ATRNL1: variants seen among roughly 807,000 people sequenced by gnomAD.
ATRNL1 encodes the protein attractin like 1.
In ATRNL1, 95 loss-of-function variants were observed where a neutral mutation model predicts 182.7. The ratio of observed to expected loss-of-function variants is 0.52; its 90% CI spans 0.44 to 0.62. The LOEUF (loss-of-function observed/expected upper bound fraction) is 0.62. Among genes scored for constraint, ATRNL1 ranks in the 20% least tolerant of loss-of-function variants. The pLI, the probability that ATRNL1 is intolerant of heterozygous loss-of-function variation, is 0.00. For synonymous variants in ATRNL1, 576 were observed against 568.3 expected, an observed-to-expected ratio of 1.01 and a Z score of -0.19; for missense variants, 1,471 against 1,679.5, an observed-to-expected ratio of 0.88 and a Z score of 2.17.
intron 21 of ATRNL1, among the ~76,000 whole-genome samples, chr10:115,459,581 A>C (rs1220854496): frequency 1.3e-5 from 2 of 152,032 alleles, no homozygotes; most frequent in Non-Finnish European, 2.9e-5. Context: ...GGTTGATCTC[A>C]CCCTGTCTCC....
At chr10:115,748,735 C>G (rs1170818138) in intron 27 of ATRNL1, among the ~76,000 whole-genome samples, 1 of 151,874 alleles carries the variant, frequency 6.6e-6, no homozygotes, top group Non-Finnish European at 1.5e-5. Flanking sequence ...GCTGTCTACT[C>G]TCATATTTAC....
chr10:115,354,645 A>C lies in ATRNL1; in HGVS notation c.3175+20226A>C, dbSNP rs72838305. Reference sequence around the variant, plus strand: ...TTCATCTTTGACCTTTGATAGTTTGATTATTATATGTCTTGTGGTAGTCTT... The same window carrying C: ...TTCATCTTTGACCTTTGATAGTTTGCTTATTATATGTCTTGTGGTAGTCTT... On this transcript the variant is annotated intron_variant, in intron 19 of 28. Coordinates refer to ENST00000355044, the MANE Select transcript of ATRNL1 (RefSeq NM_207303.4). Among the ~76,000 whole-genome samples, 492 of 151,774 alleles carry C rather than the reference A, an allele frequency of 3.2e-3. 2 individuals carry two copies. The highest frequency in any genetic ancestry group is 5.6e-3 in the Non-Finnish European group (381 of 67,884).
At chr10:115,592,773 A>G (rs1555012718) in intron 26 of ATRNL1, among the ~76,000 whole-genome samples, 1 of 152,072 alleles carries the variant, frequency 6.6e-6, no homozygotes, top group East Asian at 1.9e-4. Flanking sequence ...TGGCACTTTT[A>G]ACAGCAGAGC....
intron 19 of ATRNL1, among the ~76,000 whole-genome samples, chr10:115,368,352 A>G (rs1857185050): frequency 6.6e-6 from 1 of 152,178 alleles, no homozygotes; most frequent in African/African-American, 2.4e-5. Flanking sequence ...TGCGCTTCCC[A>G]AGTGAGGCAA....
chr10:115,182,646 TAAAG>T (rs1211449439), intron 8 of ATRNL1, among the ~76,000 whole-genome samples: 3 of 151,264 alleles, frequency 2.0e-5, no homozygotes, highest in African/African-American at 7.3e-5. Context: ...ACGATGAAAA[TAAAG>T]GAACAGAGAA....
At chr10:115,602,203 A>G (rs1409454153) in intron 26 of ATRNL1, among the ~76,000 whole-genome samples, 1 of 152,104 alleles carries the variant, frequency 6.6e-6, no homozygotes, top group African/African-American at 2.4e-5. Context: ...CAGATGCAAA[A>G]ATTAGCTGGG....
rs71010026 is a variant in ATRNL1, at chr10:115,545,234, C to CAAAA, written c.3717-4204_3717-4201dup. ...TGGGTGACAGAGCGAGACTCCGTATCAAAAAAAAAAAAAAAAAAAAAAAGA... is the reference window on the plus strand; with the variant it reads ...TGGGTGACAGAGCGAGACTCCGTATCAAAAAAAAAAAAAAAAAAAAAAAAAAAGA... On this transcript the variant is annotated intron_variant, in intron 25 of 28. Transcript: ENST00000355044. 9.4e-4 allele frequency among the ~76,000 whole-genome samples: 89 copies of CAAAA among 94,810 alleles called. No individual in the cohort carries two copies. The Middle Eastern group carries it at 0.019, about 21-fold the overall frequency. 62.2% of individuals were successfully genotyped at this position (94,810 alleles called of 152,430 possible).
chr10:115,208,642 T>C (rs187630860), intron 8 of ATRNL1, among the ~76,000 whole-genome samples: 62 of 152,172 alleles, frequency 4.1e-4, no homozygotes, highest in African/African-American at 1.4e-3. Context: ...TTTCTATTGT[T>C]GCTTGGAGCA....
chr10:115,604,007 A>G (rs139712279), intron 26 of ATRNL1, among the ~76,000 whole-genome samples: 70 of 152,108 alleles, frequency 4.6e-4, no homozygotes, highest in African/African-American at 1.6e-3. Context: ...AATGTCTGCT[A>G]TCTTGTATCT....
At chr10:115,830,446 T>C (rs2134309466) in intron 27 of ATRNL1, among the ~76,000 whole-genome samples, 1 of 152,238 alleles carries the variant, frequency 6.6e-6, no homozygotes, top group South Asian at 2.1e-4. Flanking sequence ...TCAATAAACA[T>C]TTATTGAATG....
chr10:115,615,737 T>C (rs1857393596), intron 26 of ATRNL1, among the ~76,000 whole-genome samples: 2 of 152,178 alleles, frequency 1.3e-5, no homozygotes, highest in South Asian at 4.1e-4. Flanking sequence ...GTTTCAGCTT[T>C]GCAAGGCACC....
At chr10:115,389,308 C>G (rs1420064436) in intron 19 of ATRNL1, among the ~76,000 whole-genome samples, 1 of 151,454 alleles carries the variant, frequency 6.6e-6, no homozygotes, top group East Asian at 1.9e-4. Flanking sequence ...AGTTCGAGAC[C>G]AGCCTGCCCA....
At chr10:115,204,375 A>G (rs1848719038) in intron 8 of ATRNL1, among the ~76,000 whole-genome samples, 1 of 152,116 alleles carries the variant, frequency 6.6e-6, no homozygotes, top group South Asian at 2.1e-4. Flanking sequence ...TCTTAATATT[A>G]GAGGAAAAGC....
intron 26 of ATRNL1, among the ~76,000 whole-genome samples, chr10:115,726,294 GC>G (rs1555060054): frequency 6.6e-6 from 1 of 152,086 alleles, no homozygotes; most frequent in Non-Finnish European, 1.5e-5. Flanking sequence ...GAATAATGAA[GC>G]CATTCATTGT....
rs185975875 is a variant in ATRNL1, at chr10:115,502,787, A to G, written c.3655-16476A>G. On this transcript the variant is annotated intron_variant, in intron 24 of 28. Coordinates refer to ENST00000355044, the MANE Select transcript of ATRNL1 (RefSeq NM_207303.4). ...CCCTATAGCATTAGGAGAAATATCA[A>G]ATGTAGATGATGGGTTGATGAGTGC... Among the ~76,000 whole-genome samples the G allele has an allele frequency of 3.4e-3, 519 of 152,256 alleles. 2 individuals are homozygous for G. The highest frequency in any genetic ancestry group is 3.2e-3 in the Non-Finnish European group (218 of 68,002).
chr10:115,657,871 A>G (rs74158210), intron 26 of ATRNL1, among the ~76,000 whole-genome samples: 1,773 of 152,236 alleles, frequency 0.012, 36 homozygotes, highest in African/African-American at 0.04. Flanking sequence ...TCTCTGGATT[A>G]ATACATAAAA....
intron 28 of ATRNL1, among the ~76,000 whole-genome samples, chr10:115,929,939 T>A (rs1953345631): frequency 6.6e-6 from 1 of 152,144 alleles, no homozygotes; most frequent in South Asian, 2.1e-4. Flanking sequence ...AAGCAACCTG[T>A]GAAAGAAGCA....
rs556183233 is a variant in ATRNL1 at position 115,772,173 on chromosome 10, G to A, written c.3903+44818G>A. 2.0e-5 allele frequency among the ~76,000 whole-genome samples: 3 copies of A among 152,318 alleles called. No homozygotes were observed. In the South Asian group the frequency reaches 6.2e-4, roughly 32 times the overall value. On this transcript the variant is annotated intron_variant, in intron 27 of 28. Coordinates refer to ENST00000355044, the MANE Select transcript of ATRNL1 (RefSeq NM_207303.4). ...ATTGAATTCCAAGGTGAAAAAGAAG[G>A]TTAACAATTTGTGTAAAATCCTCTC...
At chr10:115,643,921 A>C (rs782285675) in intron 26 of ATRNL1, among the ~76,000 whole-genome samples, 2 of 152,188 alleles carry the variant, frequency 1.3e-5, no homozygotes, top group Non-Finnish European at 2.9e-5. Flanking sequence ...TTTTAAGTAT[A>C]GTTAAGCATA....
Sources: gnomAD v4.1 joint callset for allele counts (sites outside exome capture counted in the v4.1 genomes callset) on GRCh38, gnomAD v4.1.1 for gene constraint, MANE v1.5 for transcripts, NCBI Gene and HGNC (gene_info 2026-07-23, HGNC 2026-07-21) for gene names.